Variants in BORCS8 observed in about 807,000 individuals in gnomAD.
The protein encoded by BORCS8 is BLOC-1 related complex subunit 8, also known as BLOC-1-related complex subunit 8.
Under a neutral mutation model 18.7 loss-of-function variants are expected in BORCS8, and 13 were observed. That is an observed-to-expected ratio of 0.70 (90% CI 0.45 to 1.11). The LOEUF (loss-of-function observed/expected upper bound fraction) is 1.11. Ranked by LOEUF, BORCS8 falls within the 50% of genes least tolerant of loss-of-function variation. The probability of loss-of-function intolerance (pLI) is 0.00; values close to 1 mark genes in which losing one functional copy is unlikely to be tolerated. For synonymous variants in BORCS8, 68 were observed against 64.8 expected (o/e 1.05, Z -0.24); for missense variants, 165 against 165.7 (o/e 1.00, Z 0.02).
At chr19:19,190,514 G>T (rs1415875401) in intron 1 of BORCS8, among the ~76,000 whole-genome samples, 1 of 152,182 alleles carries the variant, frequency 6.6e-6, no homozygotes, top group Non-Finnish European at 1.5e-5. Flanking sequence ...AACGGCCAGG[G>T]GCGGTGGCCC....
intron 3 of BORCS8, 85 bp downstream of exon 3, chr19:19,185,949 G>A: frequency 7.3e-7 from 1 of 1,370,796 alleles, no homozygotes; most frequent in Non-Finnish European, 1.0e-6. Context: ...GGGGCTTACT[G>A]GGCAGTTGGC....
At chr19:19,186,149 G>C (rs2060407136) in intron 2 of BORCS8, 51 bp from the exon 3 acceptor site, 2 of 1,521,676 alleles carry the variant, frequency 1.3e-6, no homozygotes, top group Middle Eastern at 1.7e-4. Context: ...CCCACCTAGA[G>C]GGCCTTCCTC....
In BORCS8 at chr19:19,177,310, C is replaced by T. The variant is rs555529822; in HGVS notation, c.*193G>A. 6.6e-6 allele frequency: 1 copy of T among 152,248 alleles called. No homozygotes were observed. The highest frequency in any genetic ancestry group is 1.9e-4 in the East Asian group (1 of 5,172). 9.4% of individuals were successfully genotyped at this position (152,248 alleles called of 1,614,324 possible). A position where few individuals can be genotyped will look rare whatever the true frequency, so the allele number is the denominator to read the frequency against. On this transcript the variant is annotated 3_prime_UTR_variant, in exon 6 of 6. Transcript: ENST00000462790. ...ACTCAGCCTGTAGAGAAGGTGCAGT[C>T]CAGCCTTCCTTATCCAGATGAAGAA...
At chr19:19,188,589 G>C (rs2060434222) in intron 1 of BORCS8, among the ~76,000 whole-genome samples, 1 of 152,150 alleles carries the variant, frequency 6.6e-6, no homozygotes, top group South Asian at 2.1e-4. Context: ...CACAGGACCT[G>C]AAAGTGCCTG....
At chr19:19,178,934 T>C (rs1599749514) in intron 5 of BORCS8, 1 of 138,848 alleles carries the variant, frequency 7.2e-6, no homozygotes, top group Admixed American at 7.6e-5. Flanking sequence ...CACTCTAGCC[T>C]GGGTGACAGA....
intron 1 of BORCS8, among the ~76,000 whole-genome samples, chr19:19,191,434 G>A (rs540833467): frequency 1.3e-5 from 2 of 150,816 alleles, no homozygotes; most frequent in South Asian, 4.2e-4. Context: ...CGAGGCTACA[G>A]TGAGCCATGA....
chr19:19,184,983 A>T (rs2060391956), intron 3 of BORCS8, among the ~76,000 whole-genome samples: 1 of 152,216 alleles, frequency 6.6e-6, no homozygotes, highest in Non-Finnish European at 1.5e-5. Context: ...CTCCCACCTC[A>T]GCCTCCTGAG....
intron 5 of BORCS8, chr19:19,179,700 C>T (rs1354858304): frequency 2.0e-5 from 3 of 152,732 alleles, no homozygotes; most frequent in African/African-American, 7.2e-5. Flanking sequence ...GGTGACACAT[C>T]AGATCTTTCC....
intron 3 of BORCS8, among the ~76,000 whole-genome samples, chr19:19,183,732 C>T (rs1360529776): frequency 6.6e-6 from 1 of 150,966 alleles, no homozygotes; most frequent in East Asian, 2.0e-4. Flanking sequence ...TTACAGGTGC[C>T]CACCACCACA....
chr19:19,181,845 C>G, intron 4 of BORCS8: 1 of 985,306 alleles, frequency 1.0e-6, no homozygotes, highest in Non-Finnish European at 1.2e-6. Context: ...AGACGCATCC[C>G]AAGGCGACAT....
intron 4 of BORCS8, 41 bp from the exon 5 acceptor site, chr19:19,180,802 G>C: frequency 1.3e-6 from 2 of 1,522,294 alleles, no homozygotes; most frequent in Non-Finnish European, 1.8e-6. Flanking sequence ...GCCAAGGTCA[G>C]AGGCCACAAG....
intron 3 of BORCS8, among the ~76,000 whole-genome samples, chr19:19,184,266 A>G (rs1164328690): frequency 6.6e-6 from 1 of 151,730 alleles, no homozygotes; most frequent in Non-Finnish European, 1.5e-5. Context: ...AGGAAGCAGA[A>G]GAAAGCATAG....
chr19:19,191,947 A>T, intron 1 of BORCS8, 134 bp downstream of exon 1: 1 of 1,063,044 alleles, frequency 9.4e-7, no homozygotes, highest in Non-Finnish European at 1.4e-6. Context: ...TTTCAAAACT[A>T]GTCAGCGGCA....
intron 5 of BORCS8, chr19:19,180,311 G>T: frequency 4.1e-6 from 1 of 244,962 alleles, no homozygotes; most frequent in South Asian, 5.4e-5. Context: ...AATTGCCCAT[G>T]CCGGGCTCTG....
chr19:19,188,195 A>T (rs913857676), intron 1 of BORCS8, among the ~76,000 whole-genome samples: 1 of 150,460 alleles, frequency 6.6e-6, no homozygotes, highest in Non-Finnish European at 1.5e-5. Context: ...ACGCCCGGCT[A>T]ACTTTTTGTA....
intron 1 of BORCS8, 94 bp from the exon 2 acceptor site, chr19:19,187,099 G>A: frequency 1.1e-6 from 1 of 936,136 alleles, no homozygotes; most frequent in Non-Finnish European, 1.6e-6. Context: ...AGCAAAGGGG[G>A]CATCTGGCGT....
At chr19:19,180,432 G>T (rs2060336949) in intron 5 of BORCS8, 2 of 557,888 alleles carry the variant, frequency 3.6e-6, no homozygotes, top group Non-Finnish European at 6.4e-6. Context: ...CTAGCATGGG[G>T]CCTATGGCCT....
intron 5 of BORCS8, chr19:19,177,696 G>GGAAGGAAAAAGAAA (rs1376064847): frequency 1.2e-4 from 9 of 74,676 alleles, no homozygotes; most frequent in African/African-American, 4.6e-4. Context: ...AAGGAAGGAA[G>GGAAGGAAAAAGAAA]AGAAAAGAAA....
At chr19:19,181,596 A>T (rs2239369) in intron 4 of BORCS8, among the ~76,000 whole-genome samples, 77,048 of 152,082 alleles carry the variant, frequency 0.51, 19,745 homozygotes, top group East Asian at 0.66. Context: ...TGAAGTCTAG[A>T]TCCAACTGCC....
Sources: allele counts gnomAD v4.1 joint callset (sites outside exome capture counted in the v4.1 genomes callset), GRCh38; gene constraint gnomAD v4.1.1; transcripts MANE v1.5; gene names NCBI Gene and HGNC (gene_info 2026-07-23, HGNC 2026-07-21).